GNAI1: variants seen among roughly 807,000 people sequenced by gnomAD.
The protein encoded by GNAI1 is guanine nucleotide-binding protein G(i) subunit alpha-1.
GNAI1 carries 11 observed loss-of-function variants against 38.9 expected under a neutral mutation model. That is an observed-to-expected ratio of 0.28 (90% CI 0.18 to 0.47). The LOEUF (loss-of-function observed/expected upper bound fraction) is 0.47. Ranked by LOEUF, GNAI1 falls within the 20% of genes least tolerant of loss-of-function variation. The probability of loss-of-function intolerance (pLI) is 0.99; values close to 1 mark genes in which losing one functional copy is unlikely to be tolerated. For synonymous variants in GNAI1, 166 were observed against 145.1 expected (o/e 1.14, Z -1.04); for missense variants, 317 against 436.9 (o/e 0.73, Z 2.45).
At chr7:80,149,198 G>A (rs1186193366) in intron 1 of GNAI1, among the ~76,000 whole-genome samples, 2 of 151,854 alleles carry the variant, frequency 1.3e-5, no homozygotes, top group Non-Finnish European at 2.9e-5. Flanking sequence ...AATATTTTCT[G>A]TAAATCCCAA....
intron 3 of GNAI1, among the ~76,000 whole-genome samples, chr7:80,195,091 A>T (rs182856438): frequency 6.6e-6 from 1 of 152,034 alleles, no homozygotes; most frequent in Admixed American, 6.5e-5. Context: ...CTTATCTCAC[A>T]TTTCTGTATT....
chr7:80,163,480 T>C (rs549292785), intron 1 of GNAI1, among the ~76,000 whole-genome samples: 2 of 152,348 alleles, frequency 1.3e-5, no homozygotes, highest in Non-Finnish European at 2.9e-5. Context: ...ACATTAATTA[T>C]ATTCAACTGA....
rs1465248589 is a variant in GNAI1 at position 80,224,402 on chromosome 7, A to G, written c.*6909A>G. Among the ~76,000 whole-genome samples the G allele has an allele frequency of 1.3e-5, 2 of 152,050 alleles. No homozygotes were observed. Among genetic ancestry groups the G allele is most frequent in the African/African-American group, 2.4e-5 (1 of 41,374 alleles). ...TCTAGAGTTAAGACCTTTGTTAGCC[A>G]TATCTTCAAAATCCAGTGTCATTTC... is the stretch of plus-strand genomic sequence containing the variant. On this transcript the variant is annotated 3_prime_UTR_variant, in exon 8 of 8. Transcript: ENST00000649796.
intron 1 of GNAI1, among the ~76,000 whole-genome samples, chr7:80,143,837 C>T (rs551160234): frequency 1.3e-5 from 2 of 152,214 alleles, no homozygotes; most frequent in Admixed American, 6.5e-5. Context: ...AATCAGCCCT[C>T]CCTTGCAGTT....
At position 80,214,081 on chromosome 7, in the gene GNAI1, G is replaced by A. The variant is rs181627846; in HGVS notation, c.874+1212G>A. On this transcript the variant is annotated intron_variant, in intron 7 of 7. Coordinates refer to ENST00000649796, the MANE Select transcript of GNAI1 (RefSeq NM_002069.6). ...GTCCTCCTGCTCCTAGACCATGAAC[G>A]ACTAGGCTACATTTAATTAAACATT... 3.2e-3 allele frequency among the ~76,000 whole-genome samples: 484 copies of A among 152,152 alleles called. 4 individuals are homozygous for A. Among genetic ancestry groups the A allele is most frequent in the African/African-American group, 0.011 (460 of 41,526 alleles).
chr7:80,142,234 C>A (rs541203080), intron 1 of GNAI1, among the ~76,000 whole-genome samples: 1 of 152,084 alleles, frequency 6.6e-6, no homozygotes, highest in African/African-American at 2.4e-5. Flanking sequence ...TTATCTTCAT[C>A]AGTATCTTAT....
In GNAI1 at chr7:80,217,388, C is replaced by T; in HGVS notation, c.960C>T (p.Tyr320=). The change falls in exon 8 of 8, where the codon TAC becomes TAT. Residue 320 remains tyrosine, a synonymous_variant. Coordinates refer to ENST00000649796, the MANE Select transcript of GNAI1 (RefSeq NM_002069.6). ...LNKRKDTKEI[Y]THFTCATDTK... is the part of the protein sequence containing the mutation. ...AAAGAAAGGACACAAAGGAAATATA[C>T]ACCCACTTCACATGTGCCACAGATA... 1 of 1,603,258 alleles carries T rather than the reference C, an allele frequency of 6.2e-7. No individual in the cohort carries two copies. Among genetic ancestry groups the T allele is most frequent in the South Asian group, 1.1e-5 (1 of 90,250 alleles).
intron 1 of GNAI1, among the ~76,000 whole-genome samples, chr7:80,159,649 A>C (rs548786001): frequency 7.9e-5 from 12 of 152,316 alleles, no homozygotes; most frequent in Non-Finnish European, 1.8e-4. Context: ...ACTAACATTT[A>C]AAAATATTCG....
chr7:80,172,100 A>G (rs1287382392), intron 1 of GNAI1, among the ~76,000 whole-genome samples: 5 of 152,156 alleles, frequency 3.3e-5, no homozygotes, highest in South Asian at 4.1e-4. Flanking sequence ...TAGGACCTAC[A>G]TGTTATTTAA....
rs1156791553 is a variant in GNAI1 at position 80,221,492 on chromosome 7, T to C, written c.*3999T>C. Among the ~76,000 whole-genome samples the C allele has an allele frequency of 6.6e-6, 1 of 152,120 alleles. No individual in the cohort carries two copies. Among genetic ancestry groups the C allele is most frequent in the Non-Finnish European group, 1.5e-5 (1 of 68,012 alleles). The stretch of plus-strand genomic sequence containing the variant: ...AAAAACAAAACTCTCATAATTCGTT[T>C]TCATAATGAAAACTAAGTGTCTCAC... On this transcript the variant is annotated 3_prime_UTR_variant, in exon 8 of 8. Coordinates refer to ENST00000649796, the MANE Select transcript of GNAI1 (RefSeq NM_002069.6).
intron 1 of GNAI1, among the ~76,000 whole-genome samples, chr7:80,177,145 C>T (rs1788199445): frequency 1.3e-5 from 2 of 149,342 alleles, no homozygotes; most frequent in Admixed American, 6.8e-5. Context: ...ATTCTCCTGC[C>T]TCTGCCTCCC....
Position 80,135,718 on chromosome 7 carries a change from A to G in GNAI1, c.118+440A>G, listed in dbSNP as rs1787401814. 6 of 865,694 alleles carry G rather than the reference A, an allele frequency of 6.9e-6. No individual in the cohort carries two copies. The South Asian group carries it at 2.2e-4, about 32-fold the overall frequency. The allele number at this position is 865,694 out of a possible 1,614,324, so 53.6% of individuals were successfully genotyped here. A position where few individuals can be genotyped will look rare whatever the true frequency, so the allele number is the denominator to read the frequency against. On this transcript the variant is annotated intron_variant, in intron 1 of 7. Coordinates refer to ENST00000649796, the MANE Select transcript of GNAI1 (RefSeq NM_002069.6). ...CGTGTGCGGTGTAGGTTGTGTTTCG[A>G]CTGTGGTTTTCTCATGCCCAGAGTG...
At chr7:80,217,236 G>GACTTCAGTTTAATATGTATGAAACTT in intron 7 of GNAI1, 67 bp from the exon 8 acceptor site, 1 of 1,046,528 alleles carries the variant, frequency 9.6e-7, no homozygotes, top group Non-Finnish European at 1.4e-6. Flanking sequence ...GTATGAAACT[G>GACTTCAGTTTAATATGTATGAAACTT]AATTCAGTAT....
At chr7:80,203,677 CAT>C (rs1562842296) in intron 4 of GNAI1, 25 bp from the exon 5 acceptor site, 1 of 1,464,918 alleles carries the variant, frequency 6.8e-7, no homozygotes, top group Admixed American at 1.9e-5. Flanking sequence ...TTACCATTAA[CAT>C]GTTGTTTTGT....
intron 1 of GNAI1, among the ~76,000 whole-genome samples, chr7:80,163,326 T>C (rs1434846292): frequency 6.6e-6 from 1 of 152,208 alleles, no homozygotes; most frequent in South Asian, 2.1e-4. Context: ...GGTTCATACC[T>C]GTTTACCAAA....
chr7:80,220,028 C>T lies in GNAI1; in HGVS notation c.*2535C>T, dbSNP rs569301079. On this transcript the variant is annotated 3_prime_UTR_variant, in exon 8 of 8. Transcript: ENST00000649796. ...TCCCCACCTCCCATTTCTCTCTTCT[C>T]GAAAAACCCAGGTTAGTTATCCTAA... Among the ~76,000 whole-genome samples, 1 of 152,298 alleles carries T rather than the reference C, an allele frequency of 6.6e-6. No individual in the cohort carries two copies. Among genetic ancestry groups the T allele is most frequent in the South Asian group, 2.1e-4 (1 of 4,822 alleles).
chr7:80,209,015 A>G (rs1788827088), intron 5 of GNAI1, among the ~76,000 whole-genome samples: 2 of 152,220 alleles, frequency 1.3e-5, no homozygotes, highest in Admixed American at 6.5e-5. Context: ...CTAAGACAAC[A>G]GAAGGTTCTT....
In GNAI1 at chr7:80,219,027, T is replaced by TTGTG. The variant is rs57485323; in HGVS notation, c.*1564_*1567dup. ...GTGTTGTCACTGGGTTGAAGTATAT[T>TTGTG]TGTGTGTGTGTGTGTGTGTGTGTGT... On this transcript the variant is annotated 3_prime_UTR_variant, in exon 8 of 8. Transcript: ENST00000649796. 25,684 of 145,784 alleles carry TTGTG rather than the reference T, an allele frequency of 0.18. 2,319 individuals are homozygous for TTGTG. The highest frequency in any genetic ancestry group is 0.21 in the Middle Eastern group (60 of 280). 9.0% of individuals were successfully genotyped at this position (145,784 alleles called of 1,614,324 possible).
intron 1 of GNAI1, among the ~76,000 whole-genome samples, chr7:80,138,786 C>T (rs566698687): frequency 1.8e-4 from 28 of 152,244 alleles, no homozygotes; most frequent in African/African-American, 5.8e-4. Context: ...CCGCTCCACT[C>T]CCCCTCATAT....
Sources: allele counts gnomAD v4.1 joint callset (sites outside exome capture counted in the v4.1 genomes callset), GRCh38; gene constraint gnomAD v4.1.1; transcripts MANE v1.5; gene names NCBI Gene and HGNC (gene_info 2026-07-23, HGNC 2026-07-21).